The following SLAIN2 variants were observed in gnomAD, a reference collection of about 807,000 sequenced individuals.
The protein encoded by SLAIN2 is SLAIN family member 2, also known as SLAIN motif-containing protein 2.
Under a neutral mutation model 56.6 loss-of-function variants are expected in SLAIN2, and 31 were observed. The observed-to-expected ratio is 0.55, with a 90% CI of 0.41 to 0.74. The LOEUF is 0.74. SLAIN2 is among the 30% of genes least tolerant of loss of function. The pLI, the probability that SLAIN2 is intolerant of heterozygous loss-of-function variation, is 0.00. For synonymous variants in SLAIN2, 317 were observed against 284.9 expected (o/e 1.11, Z -1.13); for missense variants, 777 against 754.2 (o/e 1.03, Z -0.35).
In SLAIN2 at chr4:48,382,688, A is replaced by G; in HGVS notation, c.983A>G (p.Asp328Gly). 1 of 1,613,922 alleles carries G rather than the reference A, an allele frequency of 6.2e-7. No individual in the cohort carries two copies. The highest frequency in any genetic ancestry group is 8.5e-7 in the Non-Finnish European group (1 of 1,179,886). The change falls in exon 5 of 8, where the codon GAT becomes GGT. Residue 328 changes from aspartate to glycine, a missense_variant. Physicochemically the swap from Asp to Gly is moderately conservative, Grantham distance 94. Transcript: ENST00000264313. Reference protein sequence around the residue: ...ELDAQSLDDEDDNMHHAVYPA... With the variant: ...ELDAQSLDDEGDNMHHAVYPA... ...GATGCACAAAGTTTAGATGATGAAGATGACAATATGCATCATGCAGTATAC... is the reference window on the plus strand; with the variant it reads ...GATGCACAAAGTTTAGATGATGAAGGTGACAATATGCATCATGCAGTATAC...
intron 6 of SLAIN2, among the ~76,000 whole-genome samples, chr4:48,402,384 T>TA (rs1467955480): frequency 1.3e-5 from 2 of 152,176 alleles, no homozygotes; most frequent in African/African-American, 4.8e-5. Flanking sequence ...TCCAACTTGA[T>TA]TCTGTTCTCC....
chr4:48,396,413 C>A (rs1461014992), intron 6 of SLAIN2, among the ~76,000 whole-genome samples: 1 of 152,096 alleles, frequency 6.6e-6, no homozygotes, highest in East Asian at 1.9e-4. Context: ...AAATTTTTAA[C>A]CAGTTGAGAA....
chr4:48,377,948 C>G lies in SLAIN2; in HGVS notation c.591C>G (p.Thr197=). 1 of 1,613,902 alleles carries G rather than the reference C, an allele frequency of 6.2e-7. No individual in the cohort carries two copies. Among genetic ancestry groups the G allele is most frequent in the Non-Finnish European group, 8.5e-7 (1 of 1,179,856 alleles). Residue 197 remains threonine (T), a synonymous_variant, in exon 3 of 8, where the codon ACC becomes ACG. Transcript: ENST00000264313. Reference sequence around the variant, plus strand: ...ATCCTTTCAACTCTATGAGTTACACCAGTCCTTACAGTCCAAATGCCAGTA... The same window carrying G: ...ATCCTTTCAACTCTATGAGTTACACGAGTCCTTACAGTCCAAATGCCAGTA... ...YNNPFNSMSY[T]SPYSPNASSP...
intron 6 of SLAIN2, among the ~76,000 whole-genome samples, chr4:48,402,226 A>T (rs1393192942): frequency 1.4e-5 from 2 of 141,384 alleles, no homozygotes; most frequent in Non-Finnish European, 1.5e-5. Flanking sequence ...CTTCATTTCG[A>T]CCTTGGAGAA....
intron 7 of SLAIN2, among the ~76,000 whole-genome samples, 170 bp from the exon 8 acceptor site, chr4:48,421,841 T>C (rs1717163290): frequency 6.6e-6 from 1 of 151,794 alleles, no homozygotes; most frequent in Non-Finnish European, 1.5e-5. Flanking sequence ...GTTGTGAAAA[T>C]GCAGAGTGTG....
At chr4:48,349,446 G>T (rs1341626928) in intron 1 of SLAIN2, among the ~76,000 whole-genome samples, 9 of 152,186 alleles carry the variant, frequency 5.9e-5, no homozygotes. Flanking sequence ...AATAATGGCA[G>T]TATTGAATGT....
chr4:48,405,084 C>A (rs1716657819), intron 6 of SLAIN2, among the ~76,000 whole-genome samples: 1 of 152,164 alleles, frequency 6.6e-6, no homozygotes, highest in South Asian at 2.1e-4. Flanking sequence ...ATAATGATTT[C>A]TGGTTTATAA....
rs1273122742 is a variant in SLAIN2 at position 48,400,763 on chromosome 4, ATTCG to A, written c.1360+16982_1360+16985del. Reference sequence around the variant, plus strand: ...TATTAATTAAAAAAAAAGCTTCTAAATTCGTTTGTTTGTTTGTTTGTTTTTTTAA... The same window carrying A: ...TATTAATTAAAAAAAAAGCTTCTAAATTTGTTTGTTTGTTTGTTTTTTTAA... On this transcript the variant is annotated intron_variant, in intron 6 of 7. Transcript: ENST00000264313. Among the ~76,000 whole-genome samples, 5 of 151,246 alleles carry A rather than the reference ATTCG, an allele frequency of 3.3e-5. No homozygotes were observed. In the East Asian group the frequency reaches 7.8e-4, roughly 23 times the overall value.
intron 6 of SLAIN2, among the ~76,000 whole-genome samples, chr4:48,414,093 G>T (rs1365744399): frequency 6.6e-6 from 1 of 152,094 alleles, no homozygotes; most frequent in Non-Finnish European, 1.5e-5. Flanking sequence ...CCAAGGTTAG[G>T]ATTCTTAGTC....
chr4:48,358,727 TA>T (rs1190334223), intron 1 of SLAIN2, among the ~76,000 whole-genome samples: 2 of 136,788 alleles, frequency 1.5e-5, no homozygotes, highest in African/African-American at 2.6e-5. Context: ...TATTTATTTT[TA>T]TTTTTTTTTG....
intron 2 of SLAIN2, among the ~76,000 whole-genome samples, chr4:48,376,322 GC>G (rs1715807379): frequency 6.6e-6 from 1 of 151,910 alleles, no homozygotes; most frequent in South Asian, 2.1e-4. Flanking sequence ...AGGCGTGGTG[GC>G]ACATGCCTGT....
chr4:48,355,486 C>T (rs1381081797), intron 1 of SLAIN2, among the ~76,000 whole-genome samples: 1 of 152,052 alleles, frequency 6.6e-6, no homozygotes, highest in Non-Finnish European at 1.5e-5. Flanking sequence ...CCTTCTTCCC[C>T]CCAAGTGTAT....
intron 1 of SLAIN2, among the ~76,000 whole-genome samples, chr4:48,365,425 A>G (rs962972957): frequency 2.2e-5 from 3 of 138,160 alleles, no homozygotes; most frequent in East Asian, 2.3e-4. Flanking sequence ...CGAGATCGCA[A>G]CAGAGCAAGA....
At chr4:48,392,570 A>G (rs932828609) in intron 6 of SLAIN2, among the ~76,000 whole-genome samples, 1 of 152,128 alleles carries the variant, frequency 6.6e-6, no homozygotes, top group East Asian at 1.9e-4. Context: ...CTGTTCTTCA[A>G]ACATATCAGG....
chr4:48,420,839 T>A (rs1717127824), intron 7 of SLAIN2, among the ~76,000 whole-genome samples: 2 of 152,190 alleles, frequency 1.3e-5, no homozygotes, highest in Admixed American at 1.3e-4. Context: ...CTGAGTATAA[T>A]CTATAAGCAT....
At chr4:48,386,857 C>T (rs1325160846) in intron 6 of SLAIN2, among the ~76,000 whole-genome samples, 2 of 152,002 alleles carry the variant, frequency 1.3e-5, no homozygotes, top group African/African-American at 2.4e-5. Flanking sequence ...GCAAAAAAAA[C>T]CACCCACAAT....
At chr4:48,372,371 T>A (rs1715692799) in intron 2 of SLAIN2, among the ~76,000 whole-genome samples, 1 of 152,212 alleles carries the variant, frequency 6.6e-6, no homozygotes, top group African/African-American at 2.4e-5. Flanking sequence ...CTGTAAGATC[T>A]CTGTTGCAGT....
chr4:48,379,410 T>TA (rs1267219428), intron 3 of SLAIN2, among the ~76,000 whole-genome samples: 1 of 152,100 alleles, frequency 6.6e-6, no homozygotes, highest in Non-Finnish European at 1.5e-5. Flanking sequence ...GAACACCAAT[T>TA]ACTTGCCAGG....
rs896418437 is a variant in SLAIN2 at position 48,422,253 on chromosome 4, A to G, written c.*176A>G. ...GATCATCAAACAGCACTTTAATGAC[A>G]TTTAACATCAGATGTGTTTGGTAAT... On this transcript the variant is annotated 3_prime_UTR_variant, in exon 8 of 8. Transcript: ENST00000264313. The G allele has an allele frequency of 7.1e-6, 4 of 567,282 alleles. No homozygotes were observed. The highest frequency in any genetic ancestry group is 1.9e-5 in the African/African-American group (1 of 53,174). 35.1% of individuals were successfully genotyped at this position (567,282 alleles called of 1,614,324 possible).
Sources: allele counts gnomAD v4.1 joint callset (sites outside exome capture counted in the v4.1 genomes callset), GRCh38; gene constraint gnomAD v4.1.1; transcripts MANE v1.5; gene names NCBI Gene and HGNC (gene_info 2026-07-23, HGNC 2026-07-21).